Variants in FGGY observed in about 807,000 individuals in gnomAD.
FGGY encodes FGGY carbohydrate kinase domain-containing protein.
FGGY carries 72 observed loss-of-function variants against 71.3 expected under a neutral mutation model. That is an observed-to-expected ratio of 1.01 (90% CI 0.84 to 1.23). The LOEUF (loss-of-function observed/expected upper bound fraction) is 1.23. Among genes scored for constraint, FGGY ranks in the 50% most tolerant of loss-of-function variants. The probability of loss-of-function intolerance (pLI) is 0.00; values close to 1 mark genes in which losing one functional copy is unlikely to be tolerated. For missense variants in FGGY, 668 were observed against 682.3 expected (o/e 0.98, Z 0.23); for synonymous variants, 251 against 250.3 (o/e 1.00, Z -0.02).
intron 5 of FGGY, among the ~76,000 whole-genome samples, chr1:59,422,403 G>C (rs2065598254): frequency 6.6e-6 from 1 of 152,106 alleles, no homozygotes; most frequent in South Asian, 2.1e-4. Context: ...TTGTTATTTT[G>C]ACTTGCTGGG....
At chr1:59,358,307 G>T (rs185995495) in intron 4 of FGGY, among the ~76,000 whole-genome samples, 6 of 152,186 alleles carry the variant, frequency 3.9e-5, no homozygotes, top group Admixed American at 2.6e-4. Context: ...GACCATAATT[G>T]TTCTGTTATT....
At chr1:59,446,455 T>C (rs2071268769) in intron 5 of FGGY, among the ~76,000 whole-genome samples, 1 of 152,134 alleles carries the variant, frequency 6.6e-6, no homozygotes, top group Non-Finnish European at 1.5e-5. Flanking sequence ...TCAGCAAGTC[T>C]TGATGAAGTA....
At chr1:59,657,666 T>C (rs1466770854) in intron 11 of FGGY, among the ~76,000 whole-genome samples, 1 of 152,230 alleles carries the variant, frequency 6.6e-6, no homozygotes, top group Admixed American at 6.5e-5. Context: ...CAGGGGGCTA[T>C]GACCAGGCTG....
rs553417982 is a variant in FGGY at position 59,645,503 on chromosome 1, C to T, written c.1221+7128C>T. Among the ~76,000 whole-genome samples the T allele has an allele frequency of 1.5e-4, 23 of 152,276 alleles. No individual in the cohort carries two copies. In the South Asian group the frequency reaches 4.4e-3, roughly 29 times the overall value. ...GTCCTCACAGAAAGCAAGTTTCATA[C>T]AGCTCTTGAGATTGATCTTCTTTGT... On this transcript the variant is annotated intron_variant, in intron 11 of 15. Coordinates refer to ENST00000303721, the MANE Select transcript of FGGY (RefSeq NM_018291.5).
At chr1:59,713,823 G>C (rs1299225084) in intron 14 of FGGY, among the ~76,000 whole-genome samples, 1 of 152,172 alleles carries the variant, frequency 6.6e-6, no homozygotes, top group African/African-American at 2.4e-5. Context: ...CATCAGAAAG[G>C]CTTCCGCCCT....
intron 6 of FGGY, among the ~76,000 whole-genome samples, chr1:59,462,413 C>G (rs2092308943): frequency 6.6e-6 from 1 of 152,066 alleles, no homozygotes; most frequent in Non-Finnish European, 1.5e-5. Flanking sequence ...GACTTCATGT[C>G]TAAAACACCA....
At chr1:59,362,014 C>T (rs144596704) in intron 4 of FGGY, among the ~76,000 whole-genome samples, 2 of 152,218 alleles carry the variant, frequency 1.3e-5, no homozygotes, top group African/African-American at 2.4e-5. Flanking sequence ...GTGTGCAGAC[C>T]GCGAACACGG....
At chr1:59,533,555 G>C (rs1054184289) in intron 7 of FGGY, among the ~76,000 whole-genome samples, 2 of 142,760 alleles carry the variant, frequency 1.4e-5, no homozygotes, top group African/African-American at 5.5e-5. Context: ...GCAGGGAACA[G>C]ACAAAAAGAC....
At chr1:59,477,498 C>T (rs1338166078) in intron 6 of FGGY, among the ~76,000 whole-genome samples, 10 of 152,164 alleles carry the variant, frequency 6.6e-5, no homozygotes, top group African/African-American at 2.4e-4. Flanking sequence ...GCTGCTTAGA[C>T]AGTCTTTGCG....
intron 8 of FGGY, among the ~76,000 whole-genome samples, chr1:59,556,769 A>C (rs993988531): frequency 6.6e-6 from 1 of 152,218 alleles, no homozygotes; most frequent in Non-Finnish European, 1.5e-5. Flanking sequence ...AGCACACAGC[A>C]GACACTCAAA....
At chr1:59,451,590 A>AATAT (rs2072743927) in intron 5 of FGGY, among the ~76,000 whole-genome samples, 1 of 152,124 alleles carries the variant, frequency 6.6e-6, no homozygotes, top group Non-Finnish European at 1.5e-5. Flanking sequence ...AAAGGGTCTC[A>AATAT]GTGTCTACTG....
At chr1:59,743,849 G>A (rs2098170942) in intron 14 of FGGY, among the ~76,000 whole-genome samples, 1 of 152,162 alleles carries the variant, frequency 6.6e-6, no homozygotes, top group Non-Finnish European at 1.5e-5. Flanking sequence ...TCTGTCCATT[G>A]TTCATCTTCC....
At chr1:59,398,536 G>C (rs1469066660) in intron 5 of FGGY, among the ~76,000 whole-genome samples, 4 of 152,162 alleles carry the variant, frequency 2.6e-5, no homozygotes, top group African/African-American at 9.7e-5. Context: ...ACCATGCCCA[G>C]GTTGTAAAAG....
Position 59,718,779 on chromosome 1 carries a change from T to C in FGGY, c.1513-39152T>C, listed in dbSNP as rs181437480. ...CTGTATACCATGGGGTCAGAGACCT[T>C]GCACTACAAAGGCCCCTTGCCAAGC... On this transcript the variant is annotated intron_variant, in intron 14 of 15. Transcript: ENST00000303721. Among the ~76,000 whole-genome samples, 493 of 152,262 alleles carry C rather than the reference T, an allele frequency of 3.2e-3. 4 individuals carry two copies. Among genetic ancestry groups the C allele is most frequent in the African/African-American group, 0.011 (449 of 41,528 alleles).
At chr1:59,365,717 C>G (rs2056466040) in intron 4 of FGGY, among the ~76,000 whole-genome samples, 1 of 152,172 alleles carries the variant, frequency 6.6e-6, no homozygotes, top group South Asian at 2.1e-4. Flanking sequence ...TTTTCTGACT[C>G]CTTGCCTTGC....
At chr1:59,635,133 G>A (rs1448187890) in intron 10 of FGGY, among the ~76,000 whole-genome samples, 1 of 152,156 alleles carries the variant, frequency 6.6e-6, no homozygotes, top group Non-Finnish European at 1.5e-5. Flanking sequence ...ACCAAAAAAG[G>A]CATCATGCAA....
At chr1:59,702,190 A>G (rs555600386) in intron 14 of FGGY, among the ~76,000 whole-genome samples, 213 of 152,298 alleles carry the variant, frequency 1.4e-3, no homozygotes, top group African/African-American at 4.9e-3. Flanking sequence ...ATCACCTCTC[A>G]CCAGGTTCCT....
intron 14 of FGGY, among the ~76,000 whole-genome samples, chr1:59,739,169 C>T (rs2098128111): frequency 6.6e-6 from 1 of 152,146 alleles, no homozygotes. Context: ...TGAAGGCAGT[C>T]CTTGTGAATA....
intron 6 of FGGY, among the ~76,000 whole-genome samples, chr1:59,474,932 A>G (rs370733929): frequency 1.4e-4 from 21 of 152,212 alleles, no homozygotes; most frequent in African/African-American, 4.1e-4. Flanking sequence ...TATGAAGATT[A>G]GTAAGTATAT....
Sources: gnomAD v4.1 joint callset for allele counts (sites outside exome capture counted in the v4.1 genomes callset) on GRCh38, gnomAD v4.1.1 for gene constraint, MANE v1.5 for transcripts, NCBI Gene and HGNC (gene_info 2026-07-23, HGNC 2026-07-21) for gene names.